LGALS9B: variants seen among roughly 807,000 people sequenced by gnomAD.
The protein encoded by LGALS9B is galectin-9B.
In LGALS9B, 8 loss-of-function variants were observed where a neutral mutation model predicts 35.9. That is an observed-to-expected ratio of 0.22 (90% CI 0.13 to 0.40). The LOEUF is 0.40. Ranked by LOEUF, LGALS9B falls within the 10% of genes least tolerant of loss-of-function variation. LGALS9B has a pLI of 1.00. For synonymous variants in LGALS9B, 42 were observed against 148.6 expected (o/e 0.28, Z 5.22); for missense variants, 101 against 397.9 (o/e 0.25, Z 6.35).
chr17:20,466,221 G>A (rs1035795709), intron 1 of LGALS9B, among the ~76,000 whole-genome samples: 1 of 151,134 alleles, frequency 6.6e-6, no homozygotes, highest in Non-Finnish European at 1.5e-5. Flanking sequence ...TACCTTGGGG[G>A]CTTCCATAGG....
At position 20,467,458 on chromosome 17, in the gene LGALS9B, C is replaced by T. The variant is rs1350013922; in HGVS notation, c.13G>A (p.Gly5Ser). The T allele has an allele frequency of 1.6e-5, 8 of 490,362 alleles. 1 individual carries two copies. Among genetic ancestry groups the T allele is most frequent in the Admixed American group, 9.5e-5 (2 of 20,962 alleles). 30.4% of individuals were successfully genotyped at this position (490,362 alleles called of 1,614,324 possible). The change falls in exon 1 of 11, where the codon GGT (glycine) becomes AGT (serine). Residue 5 changes from glycine (G) to serine (S), a missense_variant. Coordinates refer to ENST00000423676, the MANE Select transcript of LGALS9B (RefSeq NM_001367292.2). MAFS[G>S]SQAPYLSPAV... ...GGGCTCAGATAGGGAGCCTGGGAAC[C>T]GCTGAAGGCCATCTCCACCGCCTCT...
At chr17:20,461,498 T>C (rs2042729211) in intron 1 of LGALS9B, among the ~76,000 whole-genome samples, 2 of 150,934 alleles carry the variant, frequency 1.3e-5, no homozygotes, top group Non-Finnish European at 3.0e-5. Flanking sequence ...TTCTATAACC[T>C]GCATTAAAGC....
chr17:20,455,737 G>C (rs2042685042), intron 4 of LGALS9B, among the ~76,000 whole-genome samples: 1 of 151,334 alleles, frequency 6.6e-6, no homozygotes, highest in East Asian at 1.9e-4. Flanking sequence ...AATGCCAAAA[G>C]GGTAACAGCA....
At chr17:20,464,476 C>A (rs1021079266) in intron 1 of LGALS9B, among the ~76,000 whole-genome samples, 4 of 151,830 alleles carry the variant, frequency 2.6e-5, no homozygotes, top group Admixed American at 1.3e-4. Flanking sequence ...GCTGGAAAAG[C>A]AAAAGAAACA....
In LGALS9B at chr17:20,455,543, C is replaced by T. The variant is rs556361962; in HGVS notation, c.445-145G>A. ...GGTTAGGGCCACACGGAGGCGAGAG[C>T]GGAAAGGGCCAGGCTTCGGTGAGCA... is the stretch of plus-strand genomic sequence containing the variant. On this transcript the variant is annotated intron_variant, in intron 4 of 10. Transcript: ENST00000423676. 1.3e-4 allele frequency: 127 copies of T among 1,012,716 alleles called. 21 individuals carry two copies. In the African/African-American group the frequency reaches 1.9e-3, roughly 15 times the overall value. 62.7% of individuals were successfully genotyped at this position (1,012,716 alleles called of 1,614,324 possible). A position where few individuals can be genotyped will look rare whatever the true frequency, so the allele number is the denominator to read the frequency against.
chr17:20,451,153 A>T (rs567217956), intron 10 of LGALS9B, among the ~76,000 whole-genome samples: 3 of 151,348 alleles, frequency 2.0e-5, no homozygotes, highest in African/African-American at 7.3e-5. Flanking sequence ...AGCGGGCGAC[A>T]GTGAAATCGT....
chr17:20,460,718 C>CT (rs1279075839), intron 1 of LGALS9B, among the ~76,000 whole-genome samples: 3 of 116,184 alleles, frequency 2.6e-5, no homozygotes, highest in African/African-American at 9.0e-5. Flanking sequence ...GTGTGAGAGT[C>CT]TGAGAGGCAG....
chr17:20,454,527 A>T (rs535825131), intron 5 of LGALS9B, among the ~76,000 whole-genome samples: 4 of 151,288 alleles, frequency 2.6e-5, no homozygotes, highest in African/African-American at 7.3e-5. Context: ...CCTCATGGGC[A>T]TAGGGAGATG....
At chr17:20,456,118 C>T (rs1484235335) in intron 4 of LGALS9B, among the ~76,000 whole-genome samples, 2 of 151,986 alleles carry the variant, frequency 1.3e-5, no homozygotes, top group Non-Finnish European at 2.9e-5. Flanking sequence ...TCTGTCTCCT[C>T]AATGAATCAC....
intron 10 of LGALS9B, among the ~76,000 whole-genome samples, chr17:20,451,171 G>C (rs1415532628): frequency 1.3e-5 from 2 of 150,912 alleles, no homozygotes; most frequent in African/African-American, 2.4e-5. Context: ...CGTTGAATGA[G>C]TCAGTGAAGA....
At position 20,449,783 on chromosome 17, in the gene LGALS9B, A is replaced by G. The variant is rs2042634151; in HGVS notation, c.*190T>C. Reference sequence around the variant, plus strand: ...AGGTGCTGCTGCGGCTGAGGAAGACAATCCCAGTCAGCTGCCTTCTCAATT... The same window carrying G: ...AGGTGCTGCTGCGGCTGAGGAAGACGATCCCAGTCAGCTGCCTTCTCAATT... On this transcript the variant is annotated 3_prime_UTR_variant, in exon 11 of 11. Transcript: ENST00000423676. 2 of 445,594 alleles carry G rather than the reference A, an allele frequency of 4.5e-6. 1 individual carries two copies. Among genetic ancestry groups the G allele is most frequent in the Non-Finnish European group, 8.0e-6 (2 of 249,756 alleles). The allele number at this position is 445,594 out of a possible 1,614,324, so 27.6% of individuals were successfully genotyped here. A position where few individuals can be genotyped will look rare whatever the true frequency, so the allele number is the denominator to read the frequency against.
At chr17:20,466,967 G>T (rs2042767184) in intron 1 of LGALS9B, among the ~76,000 whole-genome samples, 1 of 143,900 alleles carries the variant, frequency 6.9e-6, no homozygotes, top group Non-Finnish European at 1.5e-5. Context: ...TCCCAACCCT[G>T]GGAGTGGGGG....
chr17:20,464,809 G>A (rs1311370008), intron 1 of LGALS9B, among the ~76,000 whole-genome samples: 1 of 152,034 alleles, frequency 6.6e-6, no homozygotes, highest in Non-Finnish European at 1.5e-5. Flanking sequence ...CCTCTGAATG[G>A]CAGGGCAGTA....
chr17:20,466,964 C>T (rs2042767163), intron 1 of LGALS9B, among the ~76,000 whole-genome samples: 1 of 144,596 alleles, frequency 6.9e-6, no homozygotes, highest in Non-Finnish European at 1.5e-5. Context: ...ATATCCCAAC[C>T]CTGGGAGTGG....
chr17:20,467,339 C>A, intron 1 of LGALS9B, 93 bp downstream of exon 1: 1 of 1,248,084 alleles, frequency 8.0e-7, no homozygotes, highest in African/African-American at 1.6e-5. Context: ...GCCCCCACCC[C>A]TGTCTCCTGC....
At chr17:20,464,093 GTTTT>G (rs59320210) in intron 1 of LGALS9B, among the ~76,000 whole-genome samples, 55 of 89,724 alleles carry the variant, frequency 6.1e-4, no homozygotes, top group East Asian at 1.4e-3. Flanking sequence ...TGTTTGTTGT[GTTTT>G]TTTTTTTTTT....
chr17:20,463,243 A>T (rs562959668), intron 1 of LGALS9B, among the ~76,000 whole-genome samples: 1 of 146,458 alleles, frequency 6.8e-6, no homozygotes, highest in South Asian at 2.2e-4. Flanking sequence ...GAGGAGTGTG[A>T]TCATGGATCA....
rs899297598 is a variant in LGALS9B at position 20,467,185 on chromosome 17, A to G, written c.39+247T>C. On this transcript the variant is annotated intron_variant, in intron 1 of 10. Coordinates refer to ENST00000423676, the MANE Select transcript of LGALS9B (RefSeq NM_001367292.2). ...ACCTCTTCCCCTGAGCGCACAGGAC[A>G]GGACACGACAGCTCAGCCAACACTG... is the stretch of plus-strand genomic sequence containing the variant. Among the ~76,000 whole-genome samples the G allele has an allele frequency of 1.4e-4, 20 of 144,228 alleles. 2 individuals carry two copies. Among genetic ancestry groups the G allele is most frequent in the African/African-American group, 5.3e-4 (20 of 37,868 alleles). 94.6% of individuals were successfully genotyped at this position (144,228 alleles called of 152,430 possible). A position where few individuals can be genotyped will look rare whatever the true frequency, so the allele number is the denominator to read the frequency against.
At chr17:20,459,066 A>G (rs1391630551) in intron 2 of LGALS9B, among the ~76,000 whole-genome samples, 1 of 151,514 alleles carries the variant, frequency 6.6e-6, no homozygotes, top group African/African-American at 2.4e-5. Flanking sequence ...GCAGTGAGCT[A>G]TGATCGTACC....
Sources: allele counts gnomAD v4.1 joint callset (sites outside exome capture counted in the v4.1 genomes callset), GRCh38; gene constraint gnomAD v4.1.1; transcripts MANE v1.5; gene names NCBI Gene and HGNC (gene_info 2026-07-23, HGNC 2026-07-21).